The following GRM5 variants were observed in gnomAD, a reference collection of about 807,000 sequenced individuals.
GRM5 encodes metabotropic glutamate receptor 5.
GRM5 carries 19 observed loss-of-function variants against 83.1 expected under a neutral mutation model. The ratio of observed to expected loss-of-function variants is 0.23; its 90% CI spans 0.16 to 0.34. GRM5 has a LOEUF of 0.34. GRM5 is among the 10% of genes least tolerant of loss of function. The pLI is 1.00. For missense variants in GRM5, 1,160 were observed against 1,588.3 expected, an observed-to-expected ratio of 0.73 and a Z score of 4.58; for synonymous variants, 675 against 633.6, an observed-to-expected ratio of 1.07 and a Z score of -0.98.
intron 2 of GRM5, chr11:88,984,693 G>T (rs12801730): frequency 0.011 from 6,674 of 596,678 alleles, 75 homozygotes; most frequent in Middle Eastern, 0.052. Flanking sequence ...AATCAAAAAG[G>T]GTTAAAAGTT....
chr11:88,539,133 A>G (rs1273068182), intron 8 of GRM5, among the ~76,000 whole-genome samples: 3 of 152,190 alleles, frequency 2.0e-5, no homozygotes, highest in Non-Finnish European at 4.4e-5. Flanking sequence ...CAGTCTGGGG[A>G]CTGATGGAGC....
chr11:88,510,881 C>CT (rs912200235), intron 9 of GRM5, among the ~76,000 whole-genome samples: 1 of 152,180 alleles, frequency 6.6e-6, no homozygotes, highest in Non-Finnish European at 1.5e-5. Context: ...ATCTCTGTTA[C>CT]TAGGGGGTCT....
intron 2 of GRM5, among the ~76,000 whole-genome samples, chr11:88,961,397 C>A (rs191661613): frequency 5.3e-5 from 8 of 151,370 alleles, no homozygotes; most frequent in African/African-American, 1.9e-4. Context: ...AAAACACTGG[C>A]GAACCCAAAG....
intron 8 of GRM5, among the ~76,000 whole-genome samples, chr11:88,565,794 A>G (rs557420884): frequency 6.6e-6 from 1 of 152,332 alleles, no homozygotes; most frequent in Non-Finnish European, 1.5e-5. Flanking sequence ...TGTACGTAGA[A>G]AGAGATGAGA....
chr11:88,928,003 A>T (rs1256547939), intron 2 of GRM5, among the ~76,000 whole-genome samples: 1 of 152,072 alleles, frequency 6.6e-6, no homozygotes, highest in East Asian at 1.9e-4. Context: ...GGTTTTTAAC[A>T]TAGAAATTAA....
intron 2 of GRM5, among the ~76,000 whole-genome samples, chr11:88,970,154 ATGT>A (rs1385916236): frequency 1.3e-5 from 2 of 152,084 alleles, no homozygotes; most frequent in Non-Finnish European, 2.9e-5. Flanking sequence ...TTAGTTTAAG[ATGT>A]TGTGTGTGTT....
chr11:88,738,123 A>C (rs1436124137), intron 3 of GRM5, among the ~76,000 whole-genome samples: 2 of 152,056 alleles, frequency 1.3e-5, no homozygotes, highest in African/African-American at 4.8e-5. Flanking sequence ...GAATTTTTTG[A>C]AATGTTTCTG....
chr11:89,019,206 T>C (rs548870942), intron 2 of GRM5, among the ~76,000 whole-genome samples: 2 of 152,296 alleles, frequency 1.3e-5, no homozygotes, highest in South Asian at 2.1e-4. Context: ...TCAGATTACA[T>C]TGGGGTTGTA....
intron 2 of GRM5, among the ~76,000 whole-genome samples, chr11:88,862,358 G>A (rs529840673): frequency 1.2e-4 from 18 of 151,770 alleles, no homozygotes; most frequent in Admixed American, 2.6e-4. Context: ...TTCTTTTTGT[G>A]ACTAGTTTAT....
At chr11:88,872,715 T>C (rs1469246340) in intron 2 of GRM5, among the ~76,000 whole-genome samples, 1 of 150,868 alleles carries the variant, frequency 6.6e-6, no homozygotes, top group Non-Finnish European at 1.5e-5. Context: ...ACAGCAATTG[T>C]GAGGTATTGA....
At chr11:88,670,866 C>A (rs1234724935) in intron 3 of GRM5, among the ~76,000 whole-genome samples, 3 of 151,984 alleles carry the variant, frequency 2.0e-5, no homozygotes, top group Non-Finnish European at 4.4e-5. Context: ...TAGGTTGGTA[C>A]AACTGCATTG....
chr11:88,809,707 G>A (rs978319566), intron 3 of GRM5, among the ~76,000 whole-genome samples: 6 of 151,608 alleles, frequency 4.0e-5, no homozygotes, highest in African/African-American at 7.3e-5. Flanking sequence ...TGTAAGATAT[G>A]ACATCATATA....
At chr11:88,779,534 A>T (rs12280431) in intron 3 of GRM5, among the ~76,000 whole-genome samples, 75,295 of 151,872 alleles carry the variant, frequency 0.5, 22,595 homozygotes, top group Non-Finnish European at 0.7. Context: ...TCAATAACAG[A>T]ATTTTTTTCT....
intron 2 of GRM5, among the ~76,000 whole-genome samples, chr11:88,935,838 C>A (rs879603626): frequency 6.6e-6 from 1 of 151,884 alleles, no homozygotes; most frequent in Non-Finnish European, 1.5e-5. Flanking sequence ...TAAAAAGATA[C>A]AGTCAAACAT....
intron 2 of GRM5, among the ~76,000 whole-genome samples, chr11:88,859,383 A>AT (rs148500179): frequency 0.025 from 3,873 of 152,114 alleles, 179 homozygotes; most frequent in African/African-American, 0.089. Flanking sequence ...TGAATACAGG[A>AT]TTTTTTTATA....
chr11:88,709,391 A>C (rs116020849), intron 3 of GRM5, among the ~76,000 whole-genome samples: 1 of 152,134 alleles, frequency 6.6e-6, no homozygotes, highest in African/African-American at 2.4e-5. Context: ...CTTTTTTCTG[A>C]AGAATAAGAA....
At chr11:88,581,377 C>T (rs1408584815) in intron 7 of GRM5, among the ~76,000 whole-genome samples, 2 of 152,190 alleles carry the variant, frequency 1.3e-5, no homozygotes, top group Non-Finnish European at 2.9e-5. Flanking sequence ...GAAGAGAAAG[C>T]TGACACTCAC....
chr11:88,712,106 G>C (rs1446777015), intron 3 of GRM5, among the ~76,000 whole-genome samples: 2 of 151,978 alleles, frequency 1.3e-5, no homozygotes, highest in Non-Finnish European at 2.9e-5. Flanking sequence ...AACTTTCCTT[G>C]CAAGTCGAAA....
chr11:88,718,317 A>T (rs908641356), intron 3 of GRM5, among the ~76,000 whole-genome samples: 2 of 151,948 alleles, frequency 1.3e-5, no homozygotes, highest in Non-Finnish European at 2.9e-5. Flanking sequence ...CTTACAATAC[A>T]GTAAGCCTTT....
Sources: allele counts gnomAD v4.1 joint callset (sites outside exome capture counted in the v4.1 genomes callset), GRCh38; gene constraint gnomAD v4.1.1; transcripts MANE v1.5; gene names NCBI Gene and HGNC (gene_info 2026-07-23, HGNC 2026-07-21).